Variants in CERS3 observed in about 807,000 individuals in gnomAD.
The protein encoded by CERS3 is LAG1 homolog, ceramide synthase 3.
A neutral mutation model predicts 50.3 loss-of-function variants in CERS3; 33 were observed. That is an observed-to-expected ratio of 0.66 (90% CI 0.50 to 0.88). CERS3 has a LOEUF of 0.88. Among genes scored for constraint, CERS3 ranks in the 40% least tolerant of loss-of-function variants. The probability of loss-of-function intolerance (pLI) is 0.00; values close to 1 mark genes in which losing one functional copy is unlikely to be tolerated. For missense variants in CERS3, 470 were observed against 460.3 expected (o/e 1.02, Z -0.19); for synonymous variants, 176 against 155.2 (o/e 1.13, Z -0.99).
chr15:100,467,959 T>C (rs56303924), intron 10 of CERS3, among the ~76,000 whole-genome samples: 76,473 of 149,636 alleles, frequency 0.51, 20,192 homozygotes, highest in Middle Eastern at 0.63. Context: ...TGGGCTTAAG[T>C]GACCCCCCCG....
chr15:100,485,837 C>G (rs2035467762), intron 4 of CERS3, among the ~76,000 whole-genome samples: 2 of 152,102 alleles, frequency 1.3e-5, no homozygotes. Flanking sequence ...GTACTCCAGC[C>G]TGGGCGACAG....
chr15:100,474,179 G>A (rs78760800), intron 8 of CERS3, among the ~76,000 whole-genome samples: 2,295 of 152,214 alleles, frequency 0.015, 58 homozygotes, highest in African/African-American at 0.052. Flanking sequence ...TTCTTCTTGG[G>A]ATGACACAAA....
At position 100,401,691 on chromosome 15, in the gene CERS3, G is replaced by T. The variant is rs141583670; in HGVS notation, c.*1022C>A. On this transcript the variant is annotated 3_prime_UTR_variant, in exon 12 of 12. Coordinates refer to ENST00000679737, the MANE Select transcript of CERS3 (RefSeq NM_001378789.1). Reference sequence around the variant, plus strand: ...CCTCCCCAGAGGCTCAGGCCTCCTGGGTGATGAGGCTCAGCAAGCAACCTG... The same window carrying T: ...CCTCCCCAGAGGCTCAGGCCTCCTGTGTGATGAGGCTCAGCAAGCAACCTG... 6.6e-6 allele frequency: 1 copy of T among 152,432 alleles called. No homozygotes were observed. Among genetic ancestry groups the T allele is most frequent in the Non-Finnish European group, 1.5e-5 (1 of 68,224 alleles). 9.4% of individuals were successfully genotyped at this position (152,432 alleles called of 1,614,324 possible). A position where few individuals can be genotyped will look rare whatever the true frequency, so the allele number is the denominator to read the frequency against.
At chr15:100,489,824 G>A (rs892932462) in intron 4 of CERS3, among the ~76,000 whole-genome samples, 48 of 152,180 alleles carry the variant, frequency 3.2e-4, no homozygotes, top group African/African-American at 1.2e-3. Flanking sequence ...GGAGCTGAGG[G>A]CAGAACAAGT....
intron 10 of CERS3, among the ~76,000 whole-genome samples, chr15:100,463,435 G>GAAAA (rs71151951): frequency 5.6e-4 from 52 of 92,546 alleles, no homozygotes; most frequent in South Asian, 3.1e-3. Context: ...CTCTGTCTCA[G>GAAAA]AAAAAAAAAA....
chr15:100,420,258 G>A (rs370740980), intron 11 of CERS3, among the ~76,000 whole-genome samples: 23 of 147,170 alleles, frequency 1.6e-4, no homozygotes, highest in South Asian at 6.7e-4. Context: ...TATCACCACC[G>A]ATCCCACAGA....
chr15:100,451,106 A>G (rs2034145460), intron 11 of CERS3, among the ~76,000 whole-genome samples: 1 of 152,242 alleles, frequency 6.6e-6, no homozygotes, highest in Admixed American at 6.5e-5. Context: ...TGAAAACAGA[A>G]AAGTATAAAA....
intron 11 of CERS3, among the ~76,000 whole-genome samples, chr15:100,413,510 G>T (rs1380621520): frequency 6.7e-6 from 1 of 149,652 alleles, no homozygotes; most frequent in African/African-American, 2.5e-5. Flanking sequence ...CACAACTGAC[G>T]ACTATACTAT....
chr15:100,512,969 T>C (rs2036389174), intron 2 of CERS3, among the ~76,000 whole-genome samples: 1 of 152,206 alleles, frequency 6.6e-6, no homozygotes, highest in Non-Finnish European at 1.5e-5. Context: ...AGCTGTCACT[T>C]TCCACTAGGG....
At chr15:100,534,685 G>C (rs1467198523) in intron 1 of CERS3, among the ~76,000 whole-genome samples, 1 of 150,360 alleles carries the variant, frequency 6.7e-6, no homozygotes, top group African/African-American at 2.4e-5. Context: ...ATTGCTTAGG[G>C]CAAACCCTAA....
chr15:100,424,506 G>A (rs1273269080), intron 11 of CERS3, among the ~76,000 whole-genome samples: 3 of 152,210 alleles, frequency 2.0e-5, no homozygotes, highest in African/African-American at 7.2e-5. Flanking sequence ...CTCAGATGGA[G>A]ATGAAGAACT....
intron 2 of CERS3, among the ~76,000 whole-genome samples, chr15:100,502,550 A>G (rs548267984): frequency 4.6e-5 from 7 of 152,360 alleles, no homozygotes; most frequent in Admixed American, 3.3e-4. Context: ...TGAAGGCTCC[A>G]GGTAGGTACA....
At chr15:100,529,007 C>T (rs1405425039), upstream of CERS3, 1 of 152,148 alleles carries the variant, frequency 6.6e-6, no homozygotes, top group Admixed American at 6.5e-5. Flanking sequence ...CAGTCAGTGA[C>T]GTGAGGCGAA....
chr15:100,418,651 C>G (rs28792368), intron 11 of CERS3, among the ~76,000 whole-genome samples: 49,534 of 105,332 alleles, frequency 0.47, 12,417 homozygotes, highest in Middle Eastern at 0.58. Flanking sequence ...AAGTTGAAAT[C>G]AAGGAAAAAA....
chr15:100,421,217 T>A (rs2032401854), intron 11 of CERS3, among the ~76,000 whole-genome samples: 1 of 151,270 alleles, frequency 6.6e-6, no homozygotes, highest in Non-Finnish European at 1.5e-5. Context: ...CTTAAGCTGA[T>A]AAGCAACTTC....
chr15:100,442,710 A>G (rs887595725), intron 11 of CERS3, among the ~76,000 whole-genome samples: 1 of 152,160 alleles, frequency 6.6e-6, no homozygotes, highest in Non-Finnish European at 1.5e-5. Flanking sequence ...ACTCCGGCCC[A>G]AGGCTCTCTG....
chr15:100,416,817 C>G (rs1461821264), intron 11 of CERS3, among the ~76,000 whole-genome samples: 1 of 152,032 alleles, frequency 6.6e-6, no homozygotes, highest in African/African-American at 2.4e-5. Flanking sequence ...GACACAGAGC[C>G]AGGATGAATC....
Position 100,415,174 on chromosome 15 carries a change from G to T in CERS3, c.1000-12309C>A, listed in dbSNP as rs1056199963. On this transcript the variant is annotated intron_variant, in intron 11 of 11. Coordinates refer to ENST00000679737, the MANE Select transcript of CERS3 (RefSeq NM_001378789.1). The stretch of plus-strand genomic sequence containing the variant: ...GCATCCAACAAACATATGAGAAAAA[G>T]TTCAACATCACTGATCATTAGAGAA... Among the ~76,000 whole-genome samples the T allele has an allele frequency of 2.6e-5, 4 of 152,278 alleles. No individual in the cohort carries two copies. In the East Asian group the frequency reaches 7.7e-4, roughly 29 times the overall value.
At chr15:100,442,244 C>T (rs939138855) in intron 11 of CERS3, among the ~76,000 whole-genome samples, 1 of 152,196 alleles carries the variant, frequency 6.6e-6, no homozygotes, top group Non-Finnish European at 1.5e-5. Flanking sequence ...CTTTACAGCC[C>T]TAGACCCTAA....
Sources: allele counts gnomAD v4.1 joint callset (sites outside exome capture counted in the v4.1 genomes callset), GRCh38; gene constraint gnomAD v4.1.1; transcripts MANE v1.5; gene names NCBI Gene and HGNC (gene_info 2026-07-23, HGNC 2026-07-21).